The following UBE3A variants were observed in gnomAD, a reference collection of about 807,000 sequenced individuals.
The protein encoded by UBE3A is ubiquitin-protein ligase E3A.
UBE3A carries 6 observed loss-of-function variants against 83.4 expected under a neutral mutation model. The observed-to-expected ratio is 0.07, with a 90% CI of 0.04 to 0.14. The LOEUF is 0.14. UBE3A is among the 10% of genes least tolerant of loss of function. The probability of loss-of-function intolerance (pLI) is 1.00; values close to 1 mark genes in which losing one functional copy is unlikely to be tolerated. For synonymous variants in UBE3A, 337 were observed against 355.4 expected, an observed-to-expected ratio of 0.95 and a Z score of 0.58; for missense variants, 456 against 1,036.1, an observed-to-expected ratio of 0.44 and a Z score of 7.69.
At chr15:25,429,783 T>TA (rs1892520085) in intron 1 of UBE3A, among the ~76,000 whole-genome samples, 1 of 151,788 alleles carries the variant, frequency 6.6e-6, no homozygotes, top group Non-Finnish European at 1.5e-5. Context: ...GGCAGGCAGA[T>TA]CACCTGAGGT....
intron 7 of UBE3A, among the ~76,000 whole-genome samples, chr15:25,359,415 ATGCGTGTGTGTGTG>A (rs920134387): frequency 1.0e-4 from 10 of 98,272 alleles, no homozygotes; most frequent in African/African-American, 3.8e-4. Context: ...TAGATAAGGG[ATGCGTGTGTGTGTG>A]TGTGTGTGTG....
intron 1 of UBE3A, among the ~76,000 whole-genome samples, chr15:25,435,965 G>C (rs550997756): frequency 6.6e-6 from 1 of 152,310 alleles, no homozygotes; most frequent in South Asian, 2.1e-4. Context: ...CTACGTGTTA[G>C]GCGTTTTACA....
In UBE3A at chr15:25,335,804, G is replaced by C. The variant is rs1171318459; in HGVS notation, c.*3333C>G. 3 of 152,180 alleles carry C rather than the reference G, an allele frequency of 2.0e-5. No homozygotes were observed. Among genetic ancestry groups the C allele is most frequent in the African/African-American group, 7.2e-5 (3 of 41,440 alleles). The allele number at this position is 152,180 out of a possible 1,614,324, so 9.4% of individuals were successfully genotyped here. On this transcript the variant is annotated 3_prime_UTR_variant, in exon 13 of 13. Coordinates refer to ENST00000648336, the MANE Select transcript of UBE3A (RefSeq NM_130839.5). ...ACTGAGGTTGACTAGAGGGAACTGG[G>C]CAAGAACAGGTAAGGACTTTAAGCA...
intron 11 of UBE3A, among the ~76,000 whole-genome samples, chr15:25,348,091 T>C (rs1431485695): frequency 6.7e-6 from 1 of 148,424 alleles, no homozygotes; most frequent in Non-Finnish European, 1.5e-5. Context: ...GCAAAGAAAA[T>C]CGCAAAACAG....
At chr15:25,424,912 A>G (rs959976627) in intron 1 of UBE3A, among the ~76,000 whole-genome samples, 2 of 152,212 alleles carry the variant, frequency 1.3e-5, no homozygotes, top group Non-Finnish European at 2.9e-5. Context: ...ATGAGAAGAC[A>G]GTATTAAGGT....
At chr15:25,369,897 G>T (rs1040934098) in intron 6 of UBE3A, among the ~76,000 whole-genome samples, 1 of 152,130 alleles carries the variant, frequency 6.6e-6, no homozygotes, top group South Asian at 2.1e-4. Context: ...AATCTCCCTG[G>T]ACTTGATGTT....
intron 1 of UBE3A, among the ~76,000 whole-genome samples, chr15:25,425,844 A>G (rs531428395): frequency 1.3e-5 from 2 of 152,322 alleles, no homozygotes; most frequent in East Asian, 3.9e-4. Flanking sequence ...TAGAATTCCT[A>G]GGAACTTTTC....
Position 25,438,906 on chromosome 15 carries a change from G to A in UBE3A, c.-582C>T, listed in dbSNP as rs540052322. 6.5e-6 allele frequency: 1 copy of A among 152,722 alleles called. No homozygotes were observed. The highest frequency in any genetic ancestry group is 1.5e-5 in the Non-Finnish European group (1 of 68,494). 9.5% of individuals were successfully genotyped at this position (152,722 alleles called of 1,614,324 possible). On this transcript the variant is annotated 5_prime_UTR_variant, in exon 1 of 13. Transcript: ENST00000648336. Reference sequence around the variant, plus strand: ...GGGGTGCGCGAGCGAGCGAAGCCTGGTGTGTCGGGTCCTGGCGAAGGGAAA... The same window carrying A: ...GGGGTGCGCGAGCGAGCGAAGCCTGATGTGTCGGGTCCTGGCGAAGGGAAA...
At chr15:25,390,674 G>T (rs953889896) in intron 4 of UBE3A, among the ~76,000 whole-genome samples, 2 of 152,062 alleles carry the variant, frequency 1.3e-5, no homozygotes, top group Admixed American at 1.3e-4. Flanking sequence ...TTGGGGCAGT[G>T]AAAACATTCT....
At chr15:25,340,573 A>AAAAG (rs2074572782) in intron 11 of UBE3A, among the ~76,000 whole-genome samples, 1 of 152,180 alleles carries the variant, frequency 6.6e-6, no homozygotes, top group Non-Finnish European at 1.5e-5. Context: ...TATGAATTGA[A>AAAAG]AAAGACTGAA....
intron 11 of UBE3A, chr15:25,353,932 C>T (rs2076874572): frequency 4.2e-6 from 1 of 237,484 alleles, no homozygotes; most frequent in Non-Finnish European, 8.3e-6. Context: ...GACATATTAT[C>T]TTAAGAATTA....
chr15:25,355,218 T>C (rs2077059097), intron 9 of UBE3A, among the ~76,000 whole-genome samples: 1 of 152,128 alleles, frequency 6.6e-6, no homozygotes. Context: ...TTTTCTACCA[T>C]AGAATATTTG....
In UBE3A at chr15:25,368,123, A is replaced by G. The variant is rs567201736; in HGVS notation, c.1608+2443T>C. Among the ~76,000 whole-genome samples, 5 of 152,304 alleles carry G rather than the reference A, an allele frequency of 3.3e-5. No homozygotes were observed. In the South Asian group the frequency reaches 8.3e-4, roughly 25 times the overall value. ...GCCACTAGTTTGTTCACTGTGATAT[A>G]TAAGAATGAGGCTTAAAAAGCAGAG... On this transcript the variant is annotated intron_variant, in intron 6 of 12. Transcript: ENST00000648336.
chr15:25,402,354 C>T (rs2087353848), intron 4 of UBE3A, among the ~76,000 whole-genome samples: 1 of 152,188 alleles, frequency 6.6e-6, no homozygotes. Flanking sequence ...CTTGGATCTG[C>T]AAGGACCAGT....
chr15:25,354,127 C>T (rs756619294), intron 11 of UBE3A: 8 of 583,672 alleles, frequency 1.4e-5, no homozygotes, highest in South Asian at 4.1e-5. Context: ...ACGCCAAATG[C>T]AGGAGATTAC....
chr15:25,434,987 C>T (rs1322592211), intron 1 of UBE3A, among the ~76,000 whole-genome samples: 116 of 149,990 alleles, frequency 7.7e-4, no homozygotes, highest in Middle Eastern at 3.5e-3. Flanking sequence ...CACACACACA[C>T]ACACACACAC....
intron 4 of UBE3A, among the ~76,000 whole-genome samples, chr15:25,403,827 C>T (rs531178515): frequency 6.6e-5 from 10 of 152,074 alleles, no homozygotes; most frequent in South Asian, 6.2e-4. Context: ...GATGACACTG[C>T]GAAGTAAAAT....
At position 25,338,621 on chromosome 15, in the gene UBE3A, A is replaced by AAATC. The variant is rs1403848604; in HGVS notation, c.*512_*515dup. ...TTTCAAGACTTCAAGTTTCAAAAGC[A>AAATC]AATCATTAAAAAAAATACAGTTCCT... is the stretch of plus-strand genomic sequence containing the variant. On this transcript the variant is annotated 3_prime_UTR_variant, in exon 13 of 13. Coordinates refer to ENST00000648336, the MANE Select transcript of UBE3A (RefSeq NM_130839.5). 1 of 152,174 alleles carries AAATC rather than the reference A, an allele frequency of 6.6e-6. No homozygotes were observed. 9.4% of individuals were successfully genotyped at this position (152,174 alleles called of 1,614,324 possible). A position where few individuals can be genotyped will look rare whatever the true frequency, so the allele number is the denominator to read the frequency against.
chr15:25,335,224 G>A lies in UBE3A; in HGVS notation c.*3913C>T, dbSNP rs1233164189. On this transcript the variant is annotated 3_prime_UTR_variant, in exon 13 of 13. Transcript: ENST00000648336. ...AAGCATTGGAGGCACTTTGGGGGTTGATGAAGTCTTCATGGATGAGGTACT... is the reference window on the plus strand; with the variant it reads ...AAGCATTGGAGGCACTTTGGGGGTTAATGAAGTCTTCATGGATGAGGTACT... 6.6e-6 allele frequency: 1 copy of A among 152,196 alleles called. No homozygotes were observed. The highest frequency in any genetic ancestry group is 1.5e-5 in the Non-Finnish European group (1 of 68,048). 9.4% of individuals were successfully genotyped at this position (152,196 alleles called of 1,614,324 possible).
Sources: allele counts gnomAD v4.1 joint callset (sites outside exome capture counted in the v4.1 genomes callset), GRCh38; gene constraint gnomAD v4.1.1; transcripts MANE v1.5; gene names NCBI Gene and HGNC (gene_info 2026-07-23, HGNC 2026-07-21).